Variants in HECW1 observed in about 807,000 individuals in gnomAD.
HECW1 encodes HECT, C2 and WW domain containing E3 ubiquitin protein ligase 1.
HECW1 carries 61 observed loss-of-function variants against 182.3 expected under a neutral mutation model. The ratio of observed to expected loss-of-function variants is 0.33; its 90% CI spans 0.27 to 0.41. HECW1 has a LOEUF of 0.41. Among genes scored for constraint, HECW1 ranks in the 10% least tolerant of loss-of-function variants. The pLI is 1.00. For missense variants in HECW1, 1,739 were observed against 2,108.9 expected (o/e 0.82, Z 3.44); for synonymous variants, 859 against 832.6 (o/e 1.03, Z -0.55).
intron 20 of HECW1, 68 bp from the exon 21 acceptor site, chr7:43,501,145 C>A: frequency 3.4e-6 from 3 of 872,662 alleles, no homozygotes; most frequent in Non-Finnish European, 5.4e-6. Context: ...AATTCGTGAA[C>A]ACTTTCTCAG....
intron 7 of HECW1, among the ~76,000 whole-genome samples, chr7:43,401,575 T>TTTTG (rs1554400189): frequency 2.7e-5 from 4 of 149,090 alleles, no homozygotes; most frequent in South Asian, 2.2e-4. Context: ...AGGTTTTTTT[T>TTTTG]TTTTTTTTTT....
At chr7:43,515,476 T>C (rs184728139) in intron 24 of HECW1, among the ~76,000 whole-genome samples, 40 of 152,196 alleles carry the variant, frequency 2.6e-4, no homozygotes, top group African/African-American at 9.4e-4. Context: ...GCAGTAGAAA[T>C]GGAAAGATTT....
intron 2 of HECW1, among the ~76,000 whole-genome samples, chr7:43,157,074 A>C (rs1005261028): frequency 3.3e-5 from 5 of 152,242 alleles, no homozygotes; most frequent in Non-Finnish European, 7.3e-5. Flanking sequence ...GCATAGTGGA[A>C]GTCAATACTA....
chr7:43,236,626 T>G (rs1798366351), intron 2 of HECW1, among the ~76,000 whole-genome samples: 1 of 152,228 alleles, frequency 6.6e-6, no homozygotes, highest in South Asian at 2.1e-4. Flanking sequence ...GATCAGCCTT[T>G]CGCTGAATAC....
At chr7:43,448,326 T>A (rs562959434) in intron 11 of HECW1, among the ~76,000 whole-genome samples, 1 of 152,354 alleles carries the variant, frequency 6.6e-6, no homozygotes, top group Admixed American at 6.5e-5. Flanking sequence ...ACCTCCTTTT[T>A]AAAAGTTTAA....
At chr7:43,486,385 T>C (rs1206587093) in intron 17 of HECW1, among the ~76,000 whole-genome samples, 1 of 151,804 alleles carries the variant, frequency 6.6e-6, no homozygotes, top group Non-Finnish European at 1.5e-5. Context: ...CGCTGCAAAC[T>C]CCTCCTCCTG....
At chr7:43,397,035 T>A in intron 7 of HECW1, 146 bp downstream of exon 7, 1 of 649,100 alleles carries the variant, frequency 1.5e-6, no homozygotes, top group East Asian at 2.7e-5. Flanking sequence ...AAATGTTTTT[T>A]AAATCTGTTC....
chr7:43,508,015 C>T lies in HECW1; in HGVS notation c.3753-3C>T, dbSNP rs1385633054. On this transcript the variant is annotated splice_region_variant and splice_polypyrimidine_tract_variant and intron_variant, in intron 22 of 29. Coordinates refer to ENST00000395891, the MANE Select transcript of HECW1 (RefSeq NM_015052.5). ...ACTGCTCACCACCCCTTCTCCTTCTCAGGCTCATTATTCGCCGGGATCATT... is the reference window on the plus strand; with the variant it reads ...ACTGCTCACCACCCCTTCTCCTTCTTAGGCTCATTATTCGCCGGGATCATT... 1 of 1,610,482 alleles carries T rather than the reference C, an allele frequency of 6.2e-7. No homozygotes were observed. The highest frequency in any genetic ancestry group is 8.5e-7 in the Non-Finnish European group (1 of 1,176,748).
At chr7:43,228,998 T>G (rs1797665214) in intron 2 of HECW1, among the ~76,000 whole-genome samples, 2 of 152,242 alleles carry the variant, frequency 1.3e-5, no homozygotes. Flanking sequence ...CTGCTTTTTA[T>G]AGCTTTCAGA....
intron 24 of HECW1, among the ~76,000 whole-genome samples, chr7:43,529,957 A>T (rs1042423775): frequency 3.4e-5 from 5 of 148,224 alleles, no homozygotes; most frequent in Non-Finnish European, 7.5e-5. Context: ...ATTTTTATTT[A>T]TTTTTTTTTT....
At chr7:43,529,164 A>G (rs1346327903) in intron 24 of HECW1, among the ~76,000 whole-genome samples, 2 of 152,010 alleles carry the variant, frequency 1.3e-5, no homozygotes, top group African/African-American at 4.8e-5. Context: ...CCTACTGTCA[A>G]TCATTCTACA....
chr7:43,413,011 T>C (rs1017601334), intron 8 of HECW1, among the ~76,000 whole-genome samples: 2 of 147,768 alleles, frequency 1.4e-5, no homozygotes, highest in African/African-American at 5.0e-5. Flanking sequence ...TAAATCTAGA[T>C]CCCTGAGGAA....
At chr7:43,405,257 A>G (rs2075569017) in intron 7 of HECW1, among the ~76,000 whole-genome samples, 1 of 152,044 alleles carries the variant, frequency 6.6e-6, no homozygotes, top group Admixed American at 6.6e-5. Flanking sequence ...AATGTTTTAT[A>G]TATATATGTC....
At chr7:43,433,152 C>T (rs1260198320) in intron 8 of HECW1, among the ~76,000 whole-genome samples, 2 of 152,190 alleles carry the variant, frequency 1.3e-5, no homozygotes, top group African/African-American at 4.8e-5. Flanking sequence ...CCATCTGCTT[C>T]CATTAATAAG....
chr7:43,205,878 C>T (rs1039696523), intron 2 of HECW1, among the ~76,000 whole-genome samples: 2 of 152,138 alleles, frequency 1.3e-5, no homozygotes, highest in Non-Finnish European at 2.9e-5. Flanking sequence ...ACAGTGCAGG[C>T]GGCTGGGGGC....
chr7:43,290,479 T>G (rs57485248), intron 3 of HECW1, among the ~76,000 whole-genome samples: 272 of 152,316 alleles, frequency 1.8e-3, no homozygotes, highest in African/African-American at 6.4e-3. Flanking sequence ...GGTCTTGTGA[T>G]TTTTAACCTC....
chr7:43,545,287 T>A (rs1454353508), intron 26 of HECW1, among the ~76,000 whole-genome samples: 1 of 152,202 alleles, frequency 6.6e-6, no homozygotes, highest in Non-Finnish European at 1.5e-5. Flanking sequence ...ATATACTGTC[T>A]ATTCAAGAAA....
chr7:43,443,991 C>T (rs1439853279), intron 10 of HECW1, among the ~76,000 whole-genome samples: 3 of 152,078 alleles, frequency 2.0e-5, no homozygotes, highest in Non-Finnish European at 4.4e-5. Flanking sequence ...CTTTTTGAAT[C>T]GTATTTCGGA....
intron 17 of HECW1, among the ~76,000 whole-genome samples, chr7:43,489,059 T>C (rs866549682): frequency 1.3e-5 from 2 of 152,188 alleles, no homozygotes; most frequent in Non-Finnish European, 1.5e-5. Context: ...CCTCTTTCTG[T>C]TTCAAAGCCT....
Sources: gnomAD v4.1 joint callset for allele counts (sites outside exome capture counted in the v4.1 genomes callset) on GRCh38, gnomAD v4.1.1 for gene constraint, MANE v1.5 for transcripts, NCBI Gene and HGNC (gene_info 2026-07-23, HGNC 2026-07-21) for gene names.